EXD3: variants seen among roughly 807,000 people sequenced by gnomAD.
The protein encoded by EXD3 is exonuclease mut-7 homolog.
A neutral mutation model predicts 98.0 loss-of-function variants in EXD3; 92 were observed. The ratio of observed to expected loss-of-function variants is 0.94; its 90% CI spans 0.79 to 1.12. The LOEUF is 1.12. Ranked by LOEUF, EXD3 falls within the 50% of genes most tolerant of loss-of-function variation. The pLI, the probability that EXD3 is intolerant of heterozygous loss-of-function variation, is 0.00. For synonymous variants in EXD3, 569 were observed against 526.0 expected, an observed-to-expected ratio of 1.08 and a Z score of -1.12; for missense variants, 1,222 against 1,191.6, an observed-to-expected ratio of 1.03 and a Z score of -0.38.
chr9:137,412,836 G>A (rs1352687837), intron 1 of EXD3, among the ~76,000 whole-genome samples: 2 of 152,110 alleles, frequency 1.3e-5, no homozygotes, highest in Non-Finnish European at 2.9e-5. Context: ...GGAGTGCGGT[G>A]GGGCGATCAC....
chr9:137,330,349 G>T (rs958607797), intron 17 of EXD3, among the ~76,000 whole-genome samples: 8 of 144,608 alleles, frequency 5.5e-5, no homozygotes, highest in Non-Finnish European at 9.0e-5. Context: ...GGACTACACA[G>T]GACTACACAG....
chr9:137,422,765 C>A (rs1434482227), intron 1 of EXD3, among the ~76,000 whole-genome samples: 2 of 152,148 alleles, frequency 1.3e-5, no homozygotes, highest in South Asian at 4.1e-4. Context: ...CCACCGGGAG[C>A]GCCTCCTCCT....
chr9:137,363,318 A>G (rs1474117372), intron 7 of EXD3, among the ~76,000 whole-genome samples: 1 of 142,042 alleles, frequency 7.0e-6, no homozygotes, highest in Non-Finnish European at 1.5e-5. Context: ...GAGTTCATAC[A>G]GGATTGGTGC....
chr9:137,414,189 T>A (rs907973185), intron 1 of EXD3, among the ~76,000 whole-genome samples: 5 of 152,030 alleles, frequency 3.3e-5, no homozygotes, highest in Admixed American at 3.3e-4. Flanking sequence ...AGTGCTGGGA[T>A]TACAGGCGTG....
chr9:137,328,486 A>AATATGCTCCCATATGATG (rs1284957127), intron 17 of EXD3, among the ~76,000 whole-genome samples: 2 of 4,200 alleles, frequency 4.8e-4, no homozygotes, highest in African/African-American at 8.8e-4. Context: ...GTAAAAACAA[A>AATATGCTCCCATATGATG]AGTAAAAACA....
intron 17 of EXD3, among the ~76,000 whole-genome samples, chr9:137,336,890 A>C (rs1833380610): frequency 6.6e-6 from 1 of 152,142 alleles, no homozygotes; most frequent in Non-Finnish European, 1.5e-5. Context: ...AGATAGTACG[A>C]CTAAACCCAA....
At position 137,395,920 on chromosome 9, in the gene EXD3, C is replaced by T. The variant is rs1239869674; in HGVS notation, c.-47-516G>A. On this transcript the variant is annotated intron_variant, in intron 1 of 21. Coordinates refer to ENST00000340951, the MANE Select transcript of EXD3 (RefSeq NM_017820.5). The surrounding 1 kb of genome is among the most constrained non-coding windows in gnomAD (Gnocchi z 6.5). ...GGCCGCTGACAGCTCTCATCCCAGG[C>T]AGACCTCAGTCTCCCTCAGAGTGTT... Among the ~76,000 whole-genome samples, 1 of 152,084 alleles carries T rather than the reference C, an allele frequency of 6.6e-6. No homozygotes were observed. Among genetic ancestry groups the T allele is most frequent in the Non-Finnish European group, 1.5e-5 (1 of 67,984 alleles).
intron 8 of EXD3, among the ~76,000 whole-genome samples, chr9:137,355,555 A>G (rs71485016): frequency 1.3e-4 from 6 of 44,824 alleles, no homozygotes; most frequent in Admixed American, 3.2e-4. Context: ...GGAAGGAGGA[A>G]GGAGGAAGGG....
intron 1 of EXD3, among the ~76,000 whole-genome samples, chr9:137,416,991 G>A (rs1838262559): frequency 6.6e-6 from 1 of 152,206 alleles, no homozygotes; most frequent in South Asian, 2.1e-4. Context: ...TCCACGGGAG[G>A]GTCTGACCAA....
intron 1 of EXD3, among the ~76,000 whole-genome samples, chr9:137,421,829 C>A (rs1838530886): frequency 6.6e-6 from 1 of 152,124 alleles, no homozygotes; most frequent in Non-Finnish European, 1.5e-5. Context: ...CAGAGCAAGA[C>A]CCCATTTCTA....
chr9:137,397,490 C>T (rs1287308830), intron 1 of EXD3, among the ~76,000 whole-genome samples: 1 of 152,060 alleles, frequency 6.6e-6, no homozygotes, highest in Non-Finnish European at 1.5e-5. Context: ...ATTCACGAAA[C>T]TCAGCACGTA....
At chr9:137,351,834 T>G (rs1200429706) in intron 12 of EXD3, among the ~76,000 whole-genome samples, 1 of 152,208 alleles carries the variant, frequency 6.6e-6, no homozygotes, top group East Asian at 1.9e-4. Flanking sequence ...AAATGGGGAT[T>G]CCACGGCACC....
At position 137,324,195 on chromosome 9, in the gene EXD3, A is replaced by G. The variant is rs985236788; in HGVS notation, c.1999-52T>C. The G allele has an allele frequency of 3.5e-5, 52 of 1,491,324 alleles. No homozygotes were observed. Among genetic ancestry groups the G allele is most frequent in the Non-Finnish European group, 4.2e-5 (46 of 1,093,986 alleles). 92.4% of individuals were successfully genotyped at this position (1,491,324 alleles called of 1,614,324 possible). On this transcript the variant is annotated intron_variant, in intron 17 of 21. Transcript: ENST00000340951. The surrounding 1 kb of genome is among the most constrained non-coding windows in gnomAD (Gnocchi z 4.1). Reference sequence around the variant, plus strand: ...AAAGGGGGCAGCTCCGTGCTCCTGGACTGGGCCACCTCTGCTCGCCACCCC... The same window carrying G: ...AAAGGGGGCAGCTCCGTGCTCCTGGGCTGGGCCACCTCTGCTCGCCACCCC...
chr9:137,382,756 C>T (rs553368069), intron 3 of EXD3, among the ~76,000 whole-genome samples: 16 of 152,204 alleles, frequency 1.1e-4, no homozygotes, highest in East Asian at 7.7e-4. Flanking sequence ...GGAGCGACCT[C>T]GGGCCAGAGG....
rs1347007269 is a variant in EXD3, at chr9:137,404,896, C to T, written c.-47-9492G>A. On this transcript the variant is annotated intron_variant, in intron 1 of 21. Transcript: ENST00000340951. ...AAATCACTAAAAGCCACAGTCCCCT[C>T]CTGGCCACGCCTGTCTCCTCCTTGC... 3.9e-5 allele frequency among the ~76,000 whole-genome samples: 6 copies of T among 152,036 alleles called. No individual in the cohort carries two copies. In the South Asian group the frequency reaches 1.0e-3, roughly 26 times the overall value.
At chr9:137,409,955 T>G (rs1837915852) in intron 1 of EXD3, among the ~76,000 whole-genome samples, 1 of 152,088 alleles carries the variant, frequency 6.6e-6, no homozygotes, top group Non-Finnish European at 1.5e-5. Flanking sequence ...GGCGGACGGA[T>G]CACAAGGTCA....
In EXD3 at chr9:137,407,869, G is replaced by A. The variant is rs911113359; in HGVS notation, c.-47-12465C>T. ...GAGGGGCACAGCAAAGGGTCTGGGG[G>A]GAGGCCGGAGGGGGCTTTCCCCTTG... is the stretch of plus-strand genomic sequence containing the variant. On this transcript the variant is annotated intron_variant, in intron 1 of 21. Transcript: ENST00000340951. The surrounding 1 kb of genome is among the most constrained non-coding windows in gnomAD (Gnocchi z 4.4). Among the ~76,000 whole-genome samples, 11 of 152,080 alleles carry A rather than the reference G, an allele frequency of 7.2e-5. No homozygotes were observed. The highest frequency in any genetic ancestry group is 2.7e-4 in the African/African-American group (11 of 41,428).
chr9:137,356,300 A>C lies in EXD3; in HGVS notation c.725T>G (p.Leu242Trp). 6.2e-7 allele frequency: 1 copy of C among 1,604,806 alleles called. No individual in the cohort carries two copies. Among genetic ancestry groups the C allele is most frequent in the South Asian group, 1.1e-5 (1 of 89,246 alleles). The change falls in exon 8 of 22, where the codon TTG (leucine) becomes TGG (tryptophan). Residue 242 changes from leucine (L) to tryptophan (W), a missense_variant. By Grantham distance (61) the Leu-to-Trp change is moderately conservative. Transcript: ENST00000340951. ...TACGCCGTACCGCTCCTGCAGACGC[A>C]AGACCTGCCTGCTCAGCGCCTTCGG... ...LSPKALSRQV[L>W]RLQERYGVAP...
At chr9:137,334,157 A>G (rs1833237848) in intron 17 of EXD3, among the ~76,000 whole-genome samples, 1 of 152,048 alleles carries the variant, frequency 6.6e-6, no homozygotes, top group South Asian at 2.1e-4. Flanking sequence ...ACCCGCCACC[A>G]CACCCGGCTA....
Sources: gnomAD v4.1 joint callset for allele counts (sites outside exome capture counted in the v4.1 genomes callset) on GRCh38, gnomAD v4.1.1 for gene constraint, Gnocchi (gnomAD v3.1) non-coding constraint, MANE v1.5 for transcripts, NCBI Gene and HGNC (gene_info 2026-07-23, HGNC 2026-07-21) for gene names.